The following RUNX3 variants were observed in gnomAD, a reference collection of about 807,000 sequenced individuals.
The protein encoded by RUNX3 is runt-related transcription factor 3.
A neutral mutation model predicts 27.7 loss-of-function variants in RUNX3; 10 were observed. The observed-to-expected ratio is 0.36, with a 90% confidence interval of 0.22 to 0.61. RUNX3 has a LOEUF of 0.61. RUNX3 is among the 20% of genes least tolerant of loss of function. The pLI is 0.72. For synonymous variants in RUNX3, 270 were observed against 269.2 expected (o/e 1.00, Z -0.03); for missense variants, 469 against 629.5 (o/e 0.75, Z 2.73).
At chr1:24,938,585 T>C (rs573271013) in intron 2 of RUNX3, among the ~76,000 whole-genome samples, 7 of 152,164 alleles carry the variant, frequency 4.6e-5, no homozygotes, top group African/African-American at 1.7e-4. Flanking sequence ...CAGCTAAGAG[T>C]CCTTGGCAGG....
intron 3 of RUNX3, among the ~76,000 whole-genome samples, chr1:24,918,601 AG>A (rs1287494486): frequency 3.9e-5 from 6 of 152,272 alleles, no homozygotes; most frequent in African/African-American, 1.4e-4. Flanking sequence ...TCAGTCAGTC[AG>A]TCAGTCATTC....
At position 24,945,013 on chromosome 1, in the gene RUNX3, T is replaced by A. The variant is rs142147327; in HGVS notation, c.59-15161A>T. On this transcript the variant is annotated intron_variant, in intron 2 of 6. Coordinates refer to the RUNX3 transcript ENST00000338888. ...GACAGTTCCTCAGCACATTTATTAG[T>A]GCCTGATACACAATAGCTTGACTTA... 3.7e-3 allele frequency among the ~76,000 whole-genome samples: 558 copies of A among 152,332 alleles called. 4 individuals are homozygous for A. Among genetic ancestry groups the A allele is most frequent in the Middle Eastern group, 0.027 (8 of 294 alleles).
intron 3 of RUNX3, among the ~76,000 whole-genome samples, chr1:24,909,616 C>T (rs1640758750): frequency 6.6e-6 from 1 of 152,226 alleles, no homozygotes; most frequent in Admixed American, 6.5e-5. Context: ...TCCTGCTGGC[C>T]ACTGGAGGCA....
At chr1:24,919,213 G>C (rs1246315558) in intron 3 of RUNX3, 27 bp downstream of exon 3, 1 of 1,432,354 alleles carries the variant, frequency 7.0e-7, no homozygotes, top group African/African-American at 1.5e-5. Context: ...CCCCGCGCAG[G>C]GGCTCAGGGG....
At chr1:24,931,002 C>T (rs192267166), upstream of RUNX3, among the ~76,000 whole-genome samples, 1 of 152,358 alleles carries the variant, frequency 6.6e-6, no homozygotes, top group Non-Finnish European at 1.5e-5. Context: ...CAGGATCTTG[C>T]AGGCCTCGCG....
intron 2 of RUNX3, among the ~76,000 whole-genome samples, chr1:24,941,962 T>G (rs1488163968): frequency 2.6e-5 from 4 of 152,220 alleles, no homozygotes; most frequent in Non-Finnish European, 1.5e-5. Context: ...ATTTATCACC[T>G]GAGTGGGCTT....
In RUNX3 at chr1:24,918,598, G is replaced by T. The variant is rs182104307; in HGVS notation, c.544+642C>A. ...ATTCATTCATTCATTCAGTCAGTCA[G>T]TCAGTCAGTCATTCATTCATTCTGT... On this transcript the variant is annotated intron_variant, in intron 3 of 4. Transcript: ENST00000308873. Among the ~76,000 whole-genome samples, 271 of 152,140 alleles carry T rather than the reference G, an allele frequency of 1.8e-3. 2 individuals carry two copies. Among genetic ancestry groups the T allele is most frequent in the Middle Eastern group, 0.01 (3 of 292 alleles).
rs1557845627 is a variant in RUNX3 at position 24,927,641 on chromosome 1, G to A, written c.372C>T (p.Ala124=). 1 of 1,614,198 alleles carries A rather than the reference G, an allele frequency of 6.2e-7. No individual in the cohort carries two copies. Among genetic ancestry groups the A allele is most frequent in the East Asian group, 2.2e-5 (1 of 44,892 alleles). The change falls in exon 2 of 5, where the codon GCC becomes GCT. Residue 124 remains alanine, a synonymous_variant. Coordinates refer to ENST00000308873, the MANE Select transcript of RUNX3 (RefSeq NM_004350.3). This position sits in a 1 kb window ranked among gnomAD's most constrained non-coding sequence, Gnocchi z 5.0. ...CCACCTGGTTCTTCATGACGGCCGA[G>A]GCATTGCGCAGCTCAGCGGAGTAGT... ...DENYSAELRN[A]SAVMKNQVAR...
upstream of RUNX3, chr1:24,965,031 C>T: frequency 5.0e-6 from 1 of 198,194 alleles, no homozygotes; most frequent in South Asian, 8.3e-5. This position sits in a 1 kb window ranked among gnomAD's most constrained non-coding sequence, Gnocchi z 5.4. Flanking sequence ...CTTGACAGAG[C>T]CCAGGCTCTG....
At chr1:24,933,976 G>A (rs1284933522), upstream of RUNX3, among the ~76,000 whole-genome samples, 1 of 152,212 alleles carries the variant, frequency 6.6e-6, no homozygotes, top group Non-Finnish European at 1.5e-5. Flanking sequence ...AGAACTCAAA[G>A]GGGACATTCA....
chr1:24,908,223 T>TGAACCTCTACGACACGCGGTGATCC, intron 3 of RUNX3, among the ~76,000 whole-genome samples: 1 of 114,296 alleles, frequency 8.7e-6, no homozygotes, highest in Middle Eastern at 4.8e-3. Flanking sequence ...CGCGGTGATC[T>TGAACCTCTACGACACGCGGTGATCC]GAACCTCTAT....
chr1:24,908,494 AAAAAAAAAG>A (rs1640730487), intron 3 of RUNX3, among the ~76,000 whole-genome samples: 1 of 152,090 alleles, frequency 6.6e-6, no homozygotes, highest in East Asian at 1.9e-4. Context: ...AAAAATTAAA[AAAAAAAAAG>A]AAAAAAGAAA....
chr1:24,924,629 G>A (rs1028653291), intron 2 of RUNX3, among the ~76,000 whole-genome samples: 3 of 152,048 alleles, frequency 2.0e-5, no homozygotes, highest in Non-Finnish European at 1.5e-5. Context: ...GAGGGCATTC[G>A]TCCACCTCAT....
rs1641132290 is a variant in RUNX3, at chr1:24,927,994, T to A, written c.283-264A>T. Among the ~76,000 whole-genome samples the A allele has an allele frequency of 6.6e-6, 1 of 152,210 alleles. No individual in the cohort carries two copies. The highest frequency in any genetic ancestry group is 1.5e-5 in the Non-Finnish European group (1 of 68,028). On this transcript the variant is annotated intron_variant, in intron 1 of 4. Coordinates refer to ENST00000308873, the MANE Select transcript of RUNX3 (RefSeq NM_004350.3). The surrounding 1 kb of genome is among the most constrained non-coding windows in gnomAD (Gnocchi z 5.0). ...TAAACTGTGTCCCAAGAAATCATCC[T>A]TTCAATGAAATCTAAGCCAGAGCTG...
At chr1:24,931,495 C>G (rs1486459302), upstream of RUNX3, among the ~76,000 whole-genome samples, 1 of 152,212 alleles carries the variant, frequency 6.6e-6, no homozygotes, top group Non-Finnish European at 1.5e-5. Context: ...TCCGAATTAT[C>G]GCCCCAGACA....
intron 2 of RUNX3, among the ~76,000 whole-genome samples, chr1:24,925,957 T>C (rs147703191): frequency 1.3e-5 from 2 of 152,172 alleles, no homozygotes; most frequent in Non-Finnish European, 2.9e-5. Context: ...TCATTCTCAG[T>C]GTGCAGAATG....
chr1:24,953,225 C>T (rs1163024315), intron 2 of RUNX3, among the ~76,000 whole-genome samples: 1 of 151,710 alleles, frequency 6.6e-6, no homozygotes, highest in Non-Finnish European at 1.5e-5. Context: ...ATTAGCCAGG[C>T]GTAGTGGCGG....
At chr1:24,929,547 C>A (rs1417434872) in intron 1 of RUNX3, 40 bp downstream of exon 1, 5 of 1,524,970 alleles carry the variant, frequency 3.3e-6, no homozygotes, top group Non-Finnish European at 4.4e-6. Context: ...CGCCCGGAGC[C>A]CCAGGGCCGG....
At chr1:24,919,413 C>T in intron 2 of RUNX3, 69 bp from the exon 3 acceptor site, 1 of 998,748 alleles carries the variant, frequency 1.0e-6, no homozygotes, top group Admixed American at 1.9e-5. Flanking sequence ...GCTCTCCCAC[C>T]TGTATCTACC....
Sources: gnomAD v4.1 joint callset for allele counts (sites outside exome capture counted in the v4.1 genomes callset) on GRCh38, gnomAD v4.1.1 for gene constraint, Gnocchi (gnomAD v3.1) non-coding constraint, MANE v1.5 for transcripts, NCBI Gene and HGNC (gene_info 2026-07-23, HGNC 2026-07-21) for gene names.